The following MACROD1 variants were observed in gnomAD, a reference collection of about 807,000 sequenced individuals.
MACROD1 encodes the protein mono-ADP ribosylhydrolase 1, also known as ADP-ribose glycohydrolase MACROD1.
MACROD1 carries 31 observed loss-of-function variants against 41.4 expected under a neutral mutation model. The observed-to-expected ratio is 0.75, with a 90% CI of 0.56 to 1.01. The LOEUF is 1.01. Among genes scored for constraint, MACROD1 ranks in the 50% least tolerant of loss-of-function variants. The pLI, the probability that MACROD1 is intolerant of heterozygous loss-of-function variation, is 0.00. For missense variants in MACROD1, 473 were observed against 460.0 expected (o/e 1.03, Z -0.26); for synonymous variants, 252 against 203.4 (o/e 1.24, Z -2.03).
rs900751274 is a variant in MACROD1 at position 64,166,077 on chromosome 11, G to C, written c.-83C>G. On this transcript the variant is annotated 5_prime_UTR_variant, in exon 1 of 11. Coordinates refer to ENST00000255681, the MANE Select transcript of MACROD1 (RefSeq NM_014067.4). ...AGTGTCTCTCCCTTATTTACTCTGG[G>C]ACCGGGTGGCGACTGCCAGCCAGCG... 1 of 1,225,414 alleles carries C rather than the reference G, an allele frequency of 8.2e-7. No homozygotes were observed. The highest frequency in any genetic ancestry group is 1.6e-5 in the African/African-American group (1 of 63,988). The allele number at this position is 1,225,414 out of a possible 1,614,324, so 75.9% of individuals were successfully genotyped here.
At chr11:64,109,953 G>A (rs893336777) in intron 3 of MACROD1, among the ~76,000 whole-genome samples, 6 of 152,262 alleles carry the variant, frequency 3.9e-5, no homozygotes, top group African/African-American at 1.4e-4. Flanking sequence ...AAGCTAGGCC[G>A]TGTGTCTGGG....
intron 3 of MACROD1, among the ~76,000 whole-genome samples, chr11:64,143,248 C>T (rs1945439438): frequency 6.6e-6 from 1 of 152,174 alleles, no homozygotes; most frequent in South Asian, 2.1e-4. Flanking sequence ...TGGTCTCTCT[C>T]TTAAACCCCA....
chr11:64,159,777 A>G (rs1044407284), intron 1 of MACROD1, among the ~76,000 whole-genome samples: 1 of 152,166 alleles, frequency 6.6e-6, no homozygotes, highest in Non-Finnish European at 1.5e-5. Context: ...CTGGGCAACA[A>G]GAGCGAAACT....
intron 3 of MACROD1, chr11:64,104,064 TG>T (rs1268921621): frequency 6.6e-6 from 1 of 152,292 alleles, no homozygotes; most frequent in Non-Finnish European, 1.5e-5. Context: ...GGGCAGGGAA[TG>T]TGAGCGCCAT....
intron 4 of MACROD1, among the ~76,000 whole-genome samples, chr11:64,005,466 C>T (rs1179223903): frequency 6.6e-6 from 1 of 152,238 alleles, no homozygotes; most frequent in Non-Finnish European, 1.5e-5. Flanking sequence ...TTCCTAGACT[C>T]CTGTGGGCCC....
At chr11:64,092,822 A>G (rs1222896467) in intron 3 of MACROD1, among the ~76,000 whole-genome samples, 4 of 152,260 alleles carry the variant, frequency 2.6e-5, no homozygotes, top group African/African-American at 4.8e-5. Context: ...TGAAGAAGAC[A>G]TGAACGCTGG....
Position 64,096,690 on chromosome 11 carries a change from T to A in MACROD1, c.517+54549A>T, listed in dbSNP as rs1310301993. On this transcript the variant is annotated intron_variant, in intron 3 of 10. Coordinates refer to ENST00000255681, the MANE Select transcript of MACROD1 (RefSeq NM_014067.4). The surrounding 1 kb of genome is among the most constrained non-coding windows in gnomAD (Gnocchi z 4.6). ...CCTCAGCCTCCCAAAGTGCTGGGAT[T>A]ACAGGCATGAGCCACCGCACCCTAC... Among the ~76,000 whole-genome samples, 1 of 152,212 alleles carries A rather than the reference T, an allele frequency of 6.6e-6. No homozygotes were observed. The highest frequency in any genetic ancestry group is 1.5e-5 in the Non-Finnish European group (1 of 68,026).
intron 4 of MACROD1, chr11:64,001,460 A>G (rs1378655481): frequency 4.3e-6 from 3 of 702,406 alleles, no homozygotes; most frequent in Non-Finnish European, 7.8e-6. Flanking sequence ...TTACAGATGG[A>G]CAAACCAAGG....
chr11:64,073,224 G>A (rs1408847052), intron 3 of MACROD1, among the ~76,000 whole-genome samples: 1 of 152,212 alleles, frequency 6.6e-6, no homozygotes, highest in Non-Finnish European at 1.5e-5. Context: ...CCGGCCATCG[G>A]TTTCTTCAGA....
Position 64,111,743 on chromosome 11 carries a change from G to A in MACROD1, c.517+39496C>T, listed in dbSNP as rs1193081413. ...AAGGCTGATGTGTCTAGCTCTGCAT[G>A]CTGTCCTGGCTTCAAGCCCGTCCTT... On this transcript the variant is annotated intron_variant, in intron 3 of 10. Coordinates refer to ENST00000255681, the MANE Select transcript of MACROD1 (RefSeq NM_014067.4). Among the ~76,000 whole-genome samples the A allele has an allele frequency of 3.9e-5, 6 of 152,338 alleles. 1 individual carries two copies. Among genetic ancestry groups the A allele is most frequent in the Admixed American group, 3.3e-4 (5 of 15,300 alleles).
intron 3 of MACROD1, among the ~76,000 whole-genome samples, chr11:64,108,083 G>A (rs770997751): frequency 2.0e-5 from 3 of 152,150 alleles, no homozygotes; most frequent in Non-Finnish European, 2.9e-5. Context: ...GGAGGCCGAG[G>A]CGGGCAGATC....
intron 1 of MACROD1, among the ~76,000 whole-genome samples, chr11:64,163,046 C>T (rs1465106469): frequency 4.0e-5 from 6 of 151,064 alleles, no homozygotes; most frequent in African/African-American, 7.3e-5. Flanking sequence ...ACTTGAACCC[C>T]GGAGGCGGAG....
chr11:64,049,100 G>T (rs1255881286), intron 3 of MACROD1, among the ~76,000 whole-genome samples: 1 of 151,962 alleles, frequency 6.6e-6, no homozygotes, highest in Non-Finnish European at 1.5e-5. Context: ...TGTGGGTGAG[G>T]TATTACATTC....
chr11:64,113,050 G>C (rs1228342483), intron 3 of MACROD1, among the ~76,000 whole-genome samples: 3 of 152,210 alleles, frequency 2.0e-5, no homozygotes, highest in Admixed American at 6.5e-5. Flanking sequence ...AACCCACAGA[G>C]TGCTGCAAGC....
chr11:64,049,966 C>T (rs1228855597), intron 3 of MACROD1, among the ~76,000 whole-genome samples: 2 of 152,216 alleles, frequency 1.3e-5, no homozygotes, highest in Non-Finnish European at 2.9e-5. Flanking sequence ...GCCTAGCGAT[C>T]GCACAGAGCC....
intron 8 of MACROD1, 33 bp downstream of exon 8, chr11:63,999,298 C>A: frequency 6.5e-7 from 1 of 1,545,500 alleles, no homozygotes; most frequent in South Asian, 1.2e-5. Flanking sequence ...GGCCGGGATG[C>A]GGACCCCACC....
chr11:64,129,054 G>A (rs1945228404), intron 3 of MACROD1, among the ~76,000 whole-genome samples: 3 of 152,342 alleles, frequency 2.0e-5, no homozygotes, highest in Middle Eastern at 3.4e-3. Context: ...GTGTGGCAGC[G>A]CCACAAATCT....
intron 3 of MACROD1, among the ~76,000 whole-genome samples, chr11:64,150,984 G>T (rs1945566604): frequency 1.3e-5 from 2 of 152,184 alleles, no homozygotes; most frequent in Admixed American, 6.5e-5. Flanking sequence ...CCCAGTTTCA[G>T]CCCAGCTCTC....
intron 3 of MACROD1, chr11:64,104,186 G>C (rs1420873049): frequency 6.6e-6 from 1 of 152,372 alleles, no homozygotes; most frequent in Non-Finnish European, 1.5e-5. Context: ...AAGGAGGTAA[G>C]GCCCAAGGAC....
Sources: allele counts gnomAD v4.1 joint callset (sites outside exome capture counted in the v4.1 genomes callset), GRCh38; gene constraint gnomAD v4.1.1; non-coding constraint Gnocchi (gnomAD v3.1); transcripts MANE v1.5; gene names NCBI Gene and HGNC (gene_info 2026-07-23, HGNC 2026-07-21).